Variants in TNPO1 observed in about 807,000 individuals in gnomAD.
TNPO1 encodes the protein transportin-1.
A neutral mutation model predicts 119.5 loss-of-function variants in TNPO1; 8 were observed. That is an observed-to-expected ratio of 0.07 (90% CI 0.04 to 0.12). The LOEUF (loss-of-function observed/expected upper bound fraction) is 0.12, where lower values mean the gene tolerates loss of function less well. Among genes scored for constraint, TNPO1 ranks in the 10% least tolerant of loss-of-function variants. The pLI is 1.00. For synonymous variants in TNPO1, 362 were observed against 363.0 expected (o/e 1.00, Z 0.03); for missense variants, 576 against 1,089.8 (o/e 0.53, Z 6.64).
intron 8 of TNPO1, among the ~76,000 whole-genome samples, chr5:72,876,814 G>A: frequency 6.6e-6 from 1 of 152,010 alleles, no homozygotes; most frequent in East Asian, 1.9e-4. Flanking sequence ...TCAAATTCTG[G>A]CCGGGTGCGG....
intron 9 of TNPO1, 122 bp downstream of exon 9, chr5:72,877,468 CTT>C: frequency 1.9e-6 from 1 of 525,604 alleles, no homozygotes; most frequent in Non-Finnish European, 3.3e-6. Context: ...AGAAGCCAGA[CTT>C]AATTTTATTG....
rs1749190390 is a variant in TNPO1 at position 72,893,211 on chromosome 5, G to A, written c.1861G>A (p.Val621Ile). The A allele has an allele frequency of 6.2e-7, 1 of 1,614,002 alleles. No individual in the cohort carries two copies. Among genetic ancestry groups the A allele is most frequent in the African/African-American group, 1.3e-5 (1 of 74,898 alleles). Reference protein sequence around the residue: ...PYCEPVYQRCVNLVQKTLAQA... With the variant: ...PYCEPVYQRCINLVQKTLAQA... ...CTGTGAACCTGTGTATCAGCGTTGT[G>A]TAAACCTAGTACAGAAGACTCTTGC... Residue 621 changes from valine (V) to isoleucine (I), a missense_variant, in exon 16 of 25, where the codon GTA (valine) becomes ATA (isoleucine). Around this residue, in one of 6 missense-constraint regions of TNPO1, gnomAD observed 23 missense variants for 105.8 expected, o/e 0.22. Coordinates refer to ENST00000337273, the MANE Select transcript of TNPO1 (RefSeq NM_002270.4).
chr5:72,848,674 C>A (rs868265445), intron 2 of TNPO1, among the ~76,000 whole-genome samples, 176 bp downstream of exon 2: 3 of 148,818 alleles, frequency 2.0e-5, no homozygotes, highest in South Asian at 4.2e-4. Context: ...CCGGGCGACT[C>A]GCGCACGCGG....
chr5:72,863,739 C>CAAA (rs1197299206), intron 5 of TNPO1, among the ~76,000 whole-genome samples: 1 of 69,674 alleles, frequency 1.4e-5, no homozygotes, highest in Admixed American at 1.4e-4. Context: ...CCAGCCATCT[C>CAAA]AAAAAAAAAA....
chr5:72,871,192 G>A (rs1227874387), intron 6 of TNPO1, among the ~76,000 whole-genome samples: 4 of 152,124 alleles, frequency 2.6e-5, no homozygotes, highest in South Asian at 2.1e-4. Context: ...GGCCAGGCTG[G>A]TCTAGAACTC....
chr5:72,861,469 A>G (rs534356762), intron 4 of TNPO1, among the ~76,000 whole-genome samples: 1 of 152,176 alleles, frequency 6.6e-6, no homozygotes, highest in African/African-American at 2.4e-5. Flanking sequence ...TCTCATAGTC[A>G]TGGCTCACTG....
At chr5:72,825,246 T>C (rs946852984) in intron 1 of TNPO1, among the ~76,000 whole-genome samples, 3 of 152,162 alleles carry the variant, frequency 2.0e-5, no homozygotes, top group African/African-American at 4.8e-5. Context: ...AATAAACCTT[T>C]CGCAAATTAA....
chr5:72,849,459 G>A (rs1283665723), intron 2 of TNPO1, among the ~76,000 whole-genome samples: 1 of 152,158 alleles, frequency 6.6e-6, no homozygotes, highest in African/African-American at 2.4e-5. Flanking sequence ...TTGTCAAAAA[G>A]CAGCAAAATT....
intron 2 of TNPO1, 61 bp downstream of exon 2, chr5:72,848,559 C>T: frequency 1.8e-6 from 2 of 1,092,822 alleles, no homozygotes; most frequent in South Asian, 2.5e-5. Context: ...GGCCCAGCCC[C>T]CGGCGGCCGG....
chr5:72,864,264 T>G (rs965628689), intron 5 of TNPO1, among the ~76,000 whole-genome samples: 5 of 152,194 alleles, frequency 3.3e-5, no homozygotes, highest in African/African-American at 1.2e-4. Flanking sequence ...CTTAAAAATA[T>G]TTTCAGATTT....
At chr5:72,844,940 C>T (rs750407686) in intron 1 of TNPO1, among the ~76,000 whole-genome samples, 2 of 152,204 alleles carry the variant, frequency 1.3e-5, no homozygotes, top group Non-Finnish European at 2.9e-5. Flanking sequence ...TAAAAACTTA[C>T]TCATGAGTAA....
At chr5:72,907,897 G>GA (rs1364118259) in intron 24 of TNPO1, among the ~76,000 whole-genome samples, 1 of 151,676 alleles carries the variant, frequency 6.6e-6, no homozygotes, top group Non-Finnish European at 1.5e-5. Context: ...AAATTAAAAA[G>GA]AAAAAAATGA....
chr5:72,870,927 C>T lies in TNPO1; in HGVS notation c.597-1712C>T, dbSNP rs186576800. On this transcript the variant is annotated intron_variant, in intron 6 of 24. Coordinates refer to ENST00000337273, the MANE Select transcript of TNPO1 (RefSeq NM_002270.4). ...ATATATTAGCTCATGTAGTTTAATCCCCCCAACAAATGAATGAATTGTAGG... is the reference window on the plus strand; with the variant it reads ...ATATATTAGCTCATGTAGTTTAATCTCCCCAACAAATGAATGAATTGTAGG... Among the ~76,000 whole-genome samples the T allele has an allele frequency of 5.3e-4, 80 of 152,122 alleles. 2 individuals carry two copies. Among genetic ancestry groups the T allele is most frequent in the African/African-American group, 1.8e-3 (73 of 41,486 alleles).
rs111681648 is a variant in TNPO1 at position 72,833,754 on chromosome 5, T to C, written c.16-14631T>C. Among the ~76,000 whole-genome samples the C allele has an allele frequency of 4.5e-3, 684 of 152,336 alleles. 5 individuals carry two copies. Among genetic ancestry groups the C allele is most frequent in the African/African-American group, 0.016 (654 of 41,570 alleles). Reference sequence around the variant, plus strand: ...TTCCCATCTCACATTTCATTCTGTTTTTTATACTCATGAATTTTTATACGT... The same window carrying C: ...TTCCCATCTCACATTTCATTCTGTTCTTTATACTCATGAATTTTTATACGT... On this transcript the variant is annotated intron_variant, in intron 1 of 24. Coordinates refer to ENST00000337273, the MANE Select transcript of TNPO1 (RefSeq NM_002270.4).
intron 5 of TNPO1, among the ~76,000 whole-genome samples, chr5:72,863,591 A>G (rs896271747): frequency 2.6e-5 from 4 of 152,064 alleles, no homozygotes; most frequent in South Asian, 2.1e-4. Context: ...GTAAAACCCC[A>G]TCTCTACTGA....
intron 4 of TNPO1, among the ~76,000 whole-genome samples, chr5:72,861,243 T>C (rs1331093967): frequency 6.6e-6 from 1 of 150,620 alleles, no homozygotes; most frequent in Non-Finnish European, 1.5e-5. Context: ...GGAGCTATTC[T>C]TGGTATTATG....
intron 2 of TNPO1, among the ~76,000 whole-genome samples, chr5:72,849,666 G>GATA (rs2112249735): frequency 6.6e-6 from 1 of 152,288 alleles, no homozygotes; most frequent in African/African-American, 2.4e-5. Flanking sequence ...AAGTGGAAGG[G>GATA]ATAATGATTT....
At chr5:72,877,644 A>G (rs1561336418) in intron 9 of TNPO1, among the ~76,000 whole-genome samples, 1 of 152,032 alleles carries the variant, frequency 6.6e-6, no homozygotes, top group Non-Finnish European at 1.5e-5. Context: ...AATCCTTGTT[A>G]TTTAACCACA....
intron 7 of TNPO1, among the ~76,000 whole-genome samples, chr5:72,873,080 G>A: frequency 6.6e-6 from 1 of 152,016 alleles, no homozygotes. Flanking sequence ...GTGAAAAATT[G>A]GTGAGGTTAG....
Sources: gnomAD v4.1 joint callset for allele counts (sites outside exome capture counted in the v4.1 genomes callset) on GRCh38, gnomAD v4.1.1 for gene constraint, gnomAD v4.1.1 regional missense constraint, MANE v1.5 for transcripts, NCBI Gene and HGNC (gene_info 2026-07-23, HGNC 2026-07-21) for gene names.